Variants in PRKG1 observed in about 807,000 individuals in gnomAD.
The protein encoded by PRKG1 is protein kinase cGMP-dependent 1.
PRKG1 carries 35 observed loss-of-function variants against 88.1 expected under a neutral mutation model. The ratio of observed to expected loss-of-function variants is 0.40; its 90% CI spans 0.30 to 0.53. PRKG1 has a LOEUF of 0.53. Ranked by LOEUF, PRKG1 falls within the 20% of genes least tolerant of loss-of-function variation. The pLI, the probability that PRKG1 is intolerant of heterozygous loss-of-function variation, is 0.59. For missense variants in PRKG1, 540 were observed against 839.8 expected (o/e 0.64, Z 4.41); for synonymous variants, 303 against 292.5 (o/e 1.04, Z -0.37).
intron 1 of PRKG1, among the ~76,000 whole-genome samples, chr10:51,039,932 A>C (rs538950414): frequency 4.6e-5 from 7 of 152,200 alleles, no homozygotes; most frequent in Admixed American, 4.6e-4. Context: ...CTATTGGTCT[A>C]TGTGTCTGTT....
chr10:52,061,349 A>G (rs954848103), intron 6 of PRKG1, among the ~76,000 whole-genome samples: 1 of 152,092 alleles, frequency 6.6e-6, no homozygotes, highest in African/African-American at 2.4e-5. Flanking sequence ...GAAGCACAGT[A>G]TTATTAAATG....
At chr10:51,388,078 G>T (rs900544778) in intron 2 of PRKG1, among the ~76,000 whole-genome samples, 1 of 152,164 alleles carries the variant, frequency 6.6e-6, no homozygotes, top group African/African-American at 2.4e-5. Context: ...AAGAAATGAT[G>T]TGGTATATTT....
intron 5 of PRKG1, among the ~76,000 whole-genome samples, chr10:52,017,275 G>A: frequency 6.6e-6 from 1 of 152,136 alleles, no homozygotes; most frequent in East Asian, 1.9e-4. Context: ...ATTGCATTAT[G>A]GAGATTTTAC....
At chr10:52,058,063 A>G (rs1406784565) in intron 6 of PRKG1, among the ~76,000 whole-genome samples, 1 of 151,930 alleles carries the variant, frequency 6.6e-6, no homozygotes, top group Non-Finnish European at 1.5e-5. Context: ...TTATATAGAC[A>G]TATATATTAT....
At chr10:51,928,666 T>G (rs757670747) in intron 5 of PRKG1, among the ~76,000 whole-genome samples, 5 of 152,214 alleles carry the variant, frequency 3.3e-5, no homozygotes, top group Non-Finnish European at 7.3e-5. Flanking sequence ...GGATGGATAT[T>G]GTATACTTTG....
intron 1 of PRKG1, among the ~76,000 whole-genome samples, chr10:51,004,612 T>A (rs1337086783): frequency 1.3e-5 from 2 of 152,202 alleles, no homozygotes; most frequent in African/African-American, 4.8e-5. Context: ...TTCTTTTTTT[T>A]ATACTTGAGT....
intron 1 of PRKG1, among the ~76,000 whole-genome samples, chr10:51,053,962 G>A (rs1372052563): frequency 6.6e-6 from 1 of 152,002 alleles, no homozygotes; most frequent in Admixed American, 6.6e-5. Context: ...AGTTTTCAAA[G>A]CTAAGTACAG....
At chr10:51,251,418 A>G (rs996787155) in intron 2 of PRKG1, among the ~76,000 whole-genome samples, 1 of 151,776 alleles carries the variant, frequency 6.6e-6, no homozygotes, top group African/African-American at 2.4e-5. Flanking sequence ...GGATATGTGT[A>G]ATTCATTTCC....
chr10:51,667,542 A>C (rs1840451525), intron 3 of PRKG1, among the ~76,000 whole-genome samples: 1 of 151,586 alleles, frequency 6.6e-6, no homozygotes, highest in Non-Finnish European at 1.5e-5. Flanking sequence ...AAGAGGTGAC[A>C]TTTCAACATT....
At chr10:51,662,686 A>G (rs1840329085) in intron 3 of PRKG1, among the ~76,000 whole-genome samples, 1 of 152,180 alleles carries the variant, frequency 6.6e-6, no homozygotes, top group African/African-American at 2.4e-5. Context: ...GACTAAGGAG[A>G]AAAGTATAAA....
At chr10:51,579,350 T>C (rs932362376) in intron 3 of PRKG1, among the ~76,000 whole-genome samples, 1 of 152,070 alleles carries the variant, frequency 6.6e-6, no homozygotes, top group African/African-American at 2.4e-5. Context: ...ATGAAATTAA[T>C]ACACATATAG....
At chr10:51,814,767 A>G (rs10999597) in intron 4 of PRKG1, among the ~76,000 whole-genome samples, 32,563 of 151,970 alleles carry the variant, frequency 0.21, 5,611 homozygotes, top group African/African-American at 0.48. Flanking sequence ...ATATTGATCC[A>G]TTTTTTATTA....
intron 7 of PRKG1, among the ~76,000 whole-genome samples, chr10:52,070,237 G>A (rs1846462671): frequency 1.3e-5 from 2 of 152,200 alleles, no homozygotes; most frequent in East Asian, 3.9e-4. Context: ...TTTATTCTTT[G>A]AAGAGATGAT....
intron 4 of PRKG1, among the ~76,000 whole-genome samples, chr10:51,902,944 A>G (rs1842011408): frequency 6.6e-6 from 1 of 152,226 alleles, no homozygotes. Context: ...TTCCCAGACC[A>G]CATTTTGAGA....
intron 2 of PRKG1, among the ~76,000 whole-genome samples, chr10:51,447,245 G>A (rs1263238612): frequency 6.6e-6 from 1 of 151,914 alleles, no homozygotes; most frequent in East Asian, 1.9e-4. Context: ...GGGATTTAGA[G>A]AGCATACCAG....
intron 7 of PRKG1, among the ~76,000 whole-genome samples, chr10:52,108,036 C>A (rs867839158): frequency 6.6e-6 from 1 of 152,126 alleles, no homozygotes; most frequent in Non-Finnish European, 1.5e-5. Flanking sequence ...CACACGCATG[C>A]ACATATATAG....
At chr10:51,941,157 A>T (rs1842898801) in intron 5 of PRKG1, among the ~76,000 whole-genome samples, 1 of 151,990 alleles carries the variant, frequency 6.6e-6, no homozygotes, top group Admixed American at 6.6e-5. Flanking sequence ...CATAGCATAT[A>T]TGTATGGTTT....
chr10:51,603,101 G>C (rs1387353095), intron 3 of PRKG1, among the ~76,000 whole-genome samples: 1 of 151,914 alleles, frequency 6.6e-6, no homozygotes. Flanking sequence ...AGGATTACAA[G>C]TGCAGACCAC....
At chr10:51,157,492 T>TTC (rs1314375243) in intron 2 of PRKG1, among the ~76,000 whole-genome samples, 1 of 151,976 alleles carries the variant, frequency 6.6e-6, no homozygotes, top group Non-Finnish European at 1.5e-5. Context: ...TATATTCTTG[T>TTC]TCTCCTTTTT....
Sources: allele counts gnomAD v4.1 joint callset (sites outside exome capture counted in the v4.1 genomes callset), GRCh38; gene constraint gnomAD v4.1.1; transcripts MANE v1.5; gene names NCBI Gene and HGNC (gene_info 2026-07-23, HGNC 2026-07-21).